Variants in ATP2C2 observed in about 807,000 individuals in gnomAD.
The protein encoded by ATP2C2 is calcium-transporting ATPase type 2C member 2.
Under a neutral mutation model 110.8 loss-of-function variants are expected in ATP2C2, and 171 were observed. The ratio of observed to expected loss-of-function variants is 1.54; its 90% confidence interval spans 1.36 to 1.75. ATP2C2 has a LOEUF of 1.75. ATP2C2 is among the 40% of genes most tolerant of loss of function. The pLI is 0.00. For missense variants in ATP2C2, 1,963 were observed against 1,235.0 expected (o/e 1.59, Z -8.84); for synonymous variants, 804 against 508.4 (o/e 1.58, Z -7.82).
chr16:84,415,732 G>T, intron 7 of ATP2C2, 141 bp downstream of exon 7: 1 of 647,272 alleles, frequency 1.5e-6, no homozygotes, highest in African/African-American at 1.8e-5. Flanking sequence ...CACAAGACAG[G>T]AAGTTAGCAG....
intron 2 of ATP2C2, among the ~76,000 whole-genome samples, chr16:84,399,180 C>T (rs1303058646): frequency 6.6e-6 from 1 of 152,168 alleles, no homozygotes; most frequent in Non-Finnish European, 1.5e-5. Flanking sequence ...ATACTCAGAA[C>T]CACTACATTT....
At chr16:84,412,343 T>G (rs1906403347) in intron 6 of ATP2C2, among the ~76,000 whole-genome samples, 1 of 113,066 alleles carries the variant, frequency 8.8e-6, no homozygotes, top group South Asian at 2.5e-4. Flanking sequence ...TCTGTATGCG[T>G]GTGTCTGCGT....
At chr16:84,420,642 T>G (rs2150541535) in intron 7 of ATP2C2, among the ~76,000 whole-genome samples, 1 of 152,270 alleles carries the variant, frequency 6.6e-6, no homozygotes, top group Non-Finnish European at 1.5e-5. Context: ...TGATGCCTTC[T>G]TGTTACCTTG....
chr16:84,430,482 A>C (rs1187343428), intron 11 of ATP2C2, among the ~76,000 whole-genome samples: 1 of 152,080 alleles, frequency 6.6e-6, no homozygotes, highest in African/African-American at 2.4e-5. Context: ...CTGTACTAAA[A>C]ATACAAAAAT....
chr16:84,451,893 C>G (rs768367979), intron 17 of ATP2C2, 28 bp from the exon 18 acceptor site: 2 of 1,594,544 alleles, frequency 1.3e-6, no homozygotes, highest in East Asian at 2.2e-5. Flanking sequence ...CCCCCGGTGA[C>G]CCCTCCTTAC....
In ATP2C2 at chr16:84,422,501, G is replaced by T; in HGVS notation, c.736G>T (p.Val246Phe). The T allele has an allele frequency of 1.2e-6, 2 of 1,614,092 alleles. No homozygotes were observed. Among genetic ancestry groups the T allele is most frequent in the Non-Finnish European group, 1.7e-6 (2 of 1,180,026 alleles). Residue 246 changes from valine (V) to phenylalanine (F), a missense_variant, in exon 8 of 27, where the codon GTC (valine) becomes TTC (phenylalanine). By Grantham distance (50) the Val-to-Phe change is conservative. Coordinates refer to ENST00000262429, the MANE Select transcript of ATP2C2 (RefSeq NM_014861.4). Reference sequence around the variant, plus strand: ...GGACCTCACCACCCTCAGCAACATCGTCTTCATGGGGACCCTGGTGCAGTA... The same window carrying T: ...GGACCTCACCACCCTCAGCAACATCTTCTTCATGGGGACCCTGGTGCAGTA... ...GGDLTTLSNIVFMGTLVQYGR... is the reference protein window; with the variant it reads ...GGDLTTLSNIFFMGTLVQYGR...
Position 84,424,576 on chromosome 16 carries a change from C to CTTTTTTTTTTTTTTTTTT in ATP2C2, c.920-1153_920-1136dup, listed in dbSNP as rs371614449. On this transcript the variant is annotated intron_variant, in intron 10 of 26. Transcript: ENST00000262429. Reference sequence around the variant, plus strand: ...TACAGGCATGAGCCACCGCACTGGGCTTTTTTTTTTTTTTTTTTTTTTTAA... The same window carrying CTTTTTTTTTTTTTTTTTT: ...TACAGGCATGAGCCACCGCACTGGGCTTTTTTTTTTTTTTTTTTTTTTTTTTTTTTTTTTTTTTTTTAA... Among the ~76,000 whole-genome samples, 208 of 114,828 alleles carry CTTTTTTTTTTTTTTTTTT rather than the reference C, an allele frequency of 1.8e-3. 10 individuals carry two copies. Among genetic ancestry groups the CTTTTTTTTTTTTTTTTTT allele is most frequent in the African/African-American group, 7.1e-3 (177 of 24,860 alleles). 75.3% of individuals were successfully genotyped at this position (114,828 alleles called of 152,430 possible).
intron 14 of ATP2C2, among the ~76,000 whole-genome samples, chr16:84,442,262 C>T (rs919139426): frequency 1.4e-4 from 22 of 152,176 alleles, no homozygotes; most frequent in African/African-American, 5.3e-4. Context: ...CCCCGTTACC[C>T]CACACTCGTC....
chr16:84,401,623 G>A (rs2326255), intron 2 of ATP2C2, among the ~76,000 whole-genome samples: 63,865 of 151,926 alleles, frequency 0.42, 13,813 homozygotes, highest in South Asian at 0.61. Flanking sequence ...CATCTTTGTC[G>A]AAAACGAGTT....
chr16:84,400,586 C>T (rs1377805385), intron 2 of ATP2C2, among the ~76,000 whole-genome samples: 2 of 152,164 alleles, frequency 1.3e-5, no homozygotes, highest in African/African-American at 4.8e-5. Flanking sequence ...CTCAGCCTCC[C>T]AAAGTGCTGG....
At chr16:84,427,210 A>G (rs1279473038) in intron 11 of ATP2C2, among the ~76,000 whole-genome samples, 4 of 152,174 alleles carry the variant, frequency 2.6e-5, no homozygotes, top group African/African-American at 9.7e-5. Context: ...ATATATATGT[A>G]ATTAATACAT....
chr16:84,421,217 A>C (rs1368689352), intron 7 of ATP2C2, among the ~76,000 whole-genome samples: 1 of 152,182 alleles, frequency 6.6e-6, no homozygotes, highest in African/African-American at 2.4e-5. Flanking sequence ...TTCATTGTCC[A>C]GAGCTGGAGC....
chr16:84,400,408 G>A (rs1260860032), intron 2 of ATP2C2, among the ~76,000 whole-genome samples: 1 of 150,590 alleles, frequency 6.6e-6, no homozygotes, highest in East Asian at 1.9e-4. Context: ...CTCACTGCAA[G>A]CTCCGCCTCC....
chr16:84,425,593 C>G (rs141385753), intron 10 of ATP2C2, 142 bp from the exon 11 acceptor site: 1 of 894,422 alleles, frequency 1.1e-6, no homozygotes, highest in South Asian at 1.5e-5. Context: ...AGAGAAGAGA[C>G]GGGTTGAAAG....
At chr16:84,384,725 T>C (rs1904298098) in intron 1 of ATP2C2, among the ~76,000 whole-genome samples, 1 of 152,202 alleles carries the variant, frequency 6.6e-6, no homozygotes, top group African/African-American at 2.4e-5. Flanking sequence ...TCTAATTCCA[T>C]CTACATTAGT....
At chr16:84,421,069 G>A (rs535477260) in intron 7 of ATP2C2, among the ~76,000 whole-genome samples, 26 of 152,312 alleles carry the variant, frequency 1.7e-4, no homozygotes, top group Middle Eastern at 3.4e-3. Context: ...GCCTCCCAAA[G>A]TGCTGGGATT....
intron 1 of ATP2C2, among the ~76,000 whole-genome samples, chr16:84,371,159 A>C (rs1407779773): frequency 6.6e-6 from 1 of 152,138 alleles, no homozygotes; most frequent in Admixed American, 6.6e-5. Context: ...TTGAGAGGGG[A>C]ACTGGAGACG....
chr16:84,455,110 C>T (rs538560040), intron 21 of ATP2C2, 126 bp downstream of exon 21: 42 of 1,268,856 alleles, frequency 3.3e-5, no homozygotes, highest in Middle Eastern at 2.3e-4. Context: ...AGCTGAATCT[C>T]GGGGCTCGTC....
intron 11 of ATP2C2, 62 bp downstream of exon 11, chr16:84,425,863 C>T: frequency 6.4e-7 from 1 of 1,569,470 alleles, no homozygotes; most frequent in Non-Finnish European, 8.8e-7. Context: ...GAGCCCTTCC[C>T]TGCCGCAAGA....
Sources: allele counts gnomAD v4.1 joint callset (sites outside exome capture counted in the v4.1 genomes callset), GRCh38; gene constraint gnomAD v4.1.1; transcripts MANE v1.5; gene names NCBI Gene and HGNC (gene_info 2026-07-23, HGNC 2026-07-21).